Variants in RASEF observed in about 807,000 individuals in gnomAD.
RASEF encodes ras and EF-hand domain-containing protein.
A neutral mutation model predicts 90.1 loss-of-function variants in RASEF; 68 were observed. That is an observed-to-expected ratio of 0.75 (90% CI 0.62 to 0.92). The LOEUF (loss-of-function observed/expected upper bound fraction) is 0.92, where lower values mean the gene tolerates loss of function less well. Among genes scored for constraint, RASEF ranks in the 40% least tolerant of loss-of-function variants. RASEF has a pLI of 0.00. For synonymous variants in RASEF, 331 were observed against 345.2 expected (o/e 0.96, Z 0.46); for missense variants, 949 against 937.2 (o/e 1.01, Z -0.16).
the RASEF span, among the ~76,000 whole-genome samples, chr9:83,156,351 C>A: frequency 6.6e-6 from 1 of 152,154 alleles, no homozygotes; most frequent in Admixed American, 6.5e-5. Flanking sequence ...GAAGTATGAG[C>A]ACTGTTTGCT....
At chr9:83,113,659 C>T in the RASEF span, among the ~76,000 whole-genome samples, 1 of 152,238 alleles carries the variant, frequency 6.6e-6, no homozygotes, top group East Asian at 1.9e-4. Flanking sequence ...GAGTGTCTGT[C>T]TTATGCGGTT....
the RASEF span, among the ~76,000 whole-genome samples, chr9:83,079,613 T>C: frequency 2.6e-5 from 4 of 152,276 alleles, no homozygotes; most frequent in East Asian, 7.7e-4. Context: ...TACAATTCAA[T>C]ATGAGATTTG....
At chr9:83,132,030 C>T in the RASEF span, among the ~76,000 whole-genome samples, 24 of 152,282 alleles carry the variant, frequency 1.6e-4, no homozygotes, top group South Asian at 4.6e-3. Flanking sequence ...AATAACAACA[C>T]TATTTCCCAT....
intron 14 of RASEF, 49 bp downstream of exon 14, chr9:82,996,963 C>A: frequency 9.3e-7 from 1 of 1,073,318 alleles, no homozygotes; most frequent in Non-Finnish European, 1.5e-6. Context: ...TCCAAGATGG[C>A]CTAAAACTTC....
At chr9:83,010,615 C>G (rs1189622451) in intron 5 of RASEF, among the ~76,000 whole-genome samples, 1 of 152,126 alleles carries the variant, frequency 6.6e-6, no homozygotes, top group Non-Finnish European at 1.5e-5. Context: ...CCCACCAAGC[C>G]CATTCCCTAT....
the RASEF span, among the ~76,000 whole-genome samples, chr9:83,197,412 GA>G: frequency 6.6e-6 from 1 of 152,158 alleles, no homozygotes; most frequent in Non-Finnish European, 1.5e-5. Flanking sequence ...GCCCTGCTAT[GA>G]GTTGACATTG....
At chr9:83,110,092 T>C in the RASEF span, among the ~76,000 whole-genome samples, 1 of 152,188 alleles carries the variant, frequency 6.6e-6, no homozygotes, top group African/African-American at 2.4e-5. Context: ...AAAACTCCTG[T>C]TGTATTCATT....
chr9:83,048,281 A>G (rs1284702010), intron 1 of RASEF: 3 of 985,268 alleles, frequency 3.0e-6, no homozygotes, highest in South Asian at 4.7e-5. Context: ...CTTGCAAAAG[A>G]AGGCATGAAG....
At chr9:82,986,383 T>C (rs1323701667) in intron 16 of RASEF, among the ~76,000 whole-genome samples, 2 of 152,268 alleles carry the variant, frequency 1.3e-5, no homozygotes, top group African/African-American at 4.8e-5. Context: ...TGTTCTTTTC[T>C]GTAATGTTAA....
At chr9:83,016,901 T>C (rs764058934) in intron 3 of RASEF, among the ~76,000 whole-genome samples, 1 of 152,160 alleles carries the variant, frequency 6.6e-6, no homozygotes, top group Non-Finnish European at 1.5e-5. Context: ...TTAACTACTG[T>C]GAGGATTAAA....
chr9:83,075,627 A>G, the RASEF span, among the ~76,000 whole-genome samples: 2 of 152,186 alleles, frequency 1.3e-5, no homozygotes, highest in Non-Finnish European at 2.9e-5. Flanking sequence ...TTTGATCTCA[A>G]AACACTCAAA....
At chr9:83,176,177 G>T in the RASEF span, among the ~76,000 whole-genome samples, 1 of 151,946 alleles carries the variant, frequency 6.6e-6, no homozygotes, top group Non-Finnish European at 1.5e-5. Context: ...TATGCATTTG[G>T]GGCTCTGCTG....
At chr9:83,042,126 ACTC>A (rs1303602660) in intron 1 of RASEF, among the ~76,000 whole-genome samples, 2 of 152,008 alleles carry the variant, frequency 1.3e-5, no homozygotes, top group Non-Finnish European at 2.9e-5. Flanking sequence ...TCTGAGCTGC[ACTC>A]CTCTCTCACC....
intron 4 of RASEF, among the ~76,000 whole-genome samples, chr9:83,013,835 T>G (rs770154410): frequency 1.3e-5 from 2 of 152,242 alleles, no homozygotes; most frequent in Non-Finnish European, 2.9e-5. Flanking sequence ...GTCAATAAAA[T>G]GTCAGTCATT....
At chr9:83,187,618 T>C in the RASEF span, among the ~76,000 whole-genome samples, 1 of 152,162 alleles carries the variant, frequency 6.6e-6, no homozygotes, top group African/African-American at 2.4e-5. Context: ...AAAAATAAAA[T>C]CCTTCCTAGT....
At chr9:83,016,994 A>G (rs1173497496) in intron 3 of RASEF, among the ~76,000 whole-genome samples, 1 of 152,186 alleles carries the variant, frequency 6.6e-6, no homozygotes, top group Non-Finnish European at 1.5e-5. Flanking sequence ...ACGTTTTTAA[A>G]AGGGGCTATC....
intron 3 of RASEF, among the ~76,000 whole-genome samples, chr9:83,016,631 G>A (rs1441332429): frequency 1.3e-5 from 2 of 152,110 alleles, no homozygotes; most frequent in Non-Finnish European, 1.5e-5. Flanking sequence ...GGGACATGGG[G>A]ACAGAGAGGG....
intron 13 of RASEF, 108 bp downstream of exon 13, chr9:82,998,257 T>C (rs1828957496): frequency 3.1e-6 from 2 of 637,746 alleles, no homozygotes; most frequent in Non-Finnish European, 5.6e-6. Flanking sequence ...CATATAATTA[T>C]AAAGTATGTT....
At chr9:83,209,894 C>A in the RASEF span, among the ~76,000 whole-genome samples, 8 of 152,196 alleles carry the variant, frequency 5.3e-5, no homozygotes, top group Admixed American at 1.3e-4. Flanking sequence ...TGACTCTATG[C>A]CCAATAGGAA....
Sources: gnomAD v4.1 joint callset for allele counts (sites outside exome capture counted in the v4.1 genomes callset) on GRCh38, gnomAD v4.1.1 for gene constraint, MANE v1.5 for transcripts, NCBI Gene and HGNC (gene_info 2026-07-23, HGNC 2026-07-21) for gene names.